HDAC9: variants seen among roughly 807,000 people sequenced by gnomAD.
HDAC9 encodes the protein MEF-2 interacting transcription repressor (MITR) protein.
Under a neutral mutation model 139.4 loss-of-function variants are expected in HDAC9, and 41 were observed. That is an observed-to-expected ratio of 0.29 (90% CI 0.23 to 0.38). The LOEUF (loss-of-function observed/expected upper bound fraction) is 0.38. HDAC9 is among the 10% of genes least tolerant of loss of function. HDAC9 has a pLI of 1.00. For missense variants in HDAC9, 1,147 were observed against 1,297.0 expected (o/e 0.88, Z 1.78); for synonymous variants, 517 against 476.2 (o/e 1.09, Z -1.12).
Position 18,606,451 on chromosome 7 carries a change from C to G in HDAC9, c.664+12422C>G, listed in dbSNP as rs534003645. Reference sequence around the variant, plus strand: ...TTATTTTAAAGATTAACATCAGTGTCCAGCTTGCTCATGATTAACAAGTTC... The same window carrying G: ...TTATTTTAAAGATTAACATCAGTGTGCAGCTTGCTCATGATTAACAAGTTC... On this transcript the variant is annotated intron_variant, in intron 6 of 25. Coordinates refer to ENST00000686413, the MANE Select transcript of HDAC9 (RefSeq NM_178425.4). Among the ~76,000 whole-genome samples, 31 of 152,194 alleles carry G rather than the reference C, an allele frequency of 2.0e-4. No individual in the cohort carries two copies. The South Asian group carries it at 5.2e-3, about 25-fold the overall frequency.
intron 17 of HDAC9, among the ~76,000 whole-genome samples, chr7:18,820,204 G>A (rs1217765294): frequency 6.6e-6 from 1 of 152,112 alleles, no homozygotes; most frequent in East Asian, 1.9e-4. Context: ...TATATTTTGT[G>A]AGACTAGTAG....
At chr7:18,722,021 A>G (rs2129125018) in intron 12 of HDAC9, among the ~76,000 whole-genome samples, 1 of 152,350 alleles carries the variant, frequency 6.6e-6, no homozygotes, top group Non-Finnish European at 1.5e-5. Context: ...AATTTACAAA[A>G]TAGTTGCATA....
Position 18,273,085 on chromosome 7 carries a change from A to G in HDAC9, c.25+110736A>G, listed in dbSNP as rs1315570265. ...TTTTTTTTTTTTTTTTTTTTTTTTG[A>G]ACAAGACAGGATGTCTGTTGCCCTC... On this transcript the variant is annotated intron_variant, in intron 2 of 12. Transcript: ENST00000417496. 7.7e-5 allele frequency among the ~76,000 whole-genome samples: 3 copies of G among 38,938 alleles called. 1 individual carries two copies. Among genetic ancestry groups the G allele is most frequent in the Non-Finnish European group, 1.6e-4 (3 of 19,314 alleles). 25.5% of individuals were successfully genotyped at this position (38,938 alleles called of 152,430 possible).
At chr7:18,394,204 T>C (rs79182806) in intron 1 of HDAC9, among the ~76,000 whole-genome samples, 3,045 of 152,266 alleles carry the variant, frequency 0.02, 135 homozygotes, top group East Asian at 0.18. Context: ...AATTATACCT[T>C]GTTTGTTAAA....
intron 25 of HDAC9, among the ~76,000 whole-genome samples, chr7:18,983,638 A>ATTT (rs1785105028): frequency 1.3e-5 from 2 of 152,306 alleles, no homozygotes; most frequent in East Asian, 3.9e-4. Flanking sequence ...TAGGGAAGTC[A>ATTT]TATGTTTTAC....
At chr7:18,419,866 A>G (rs911756283) in intron 1 of HDAC9, among the ~76,000 whole-genome samples, 4 of 152,096 alleles carry the variant, frequency 2.6e-5, no homozygotes, top group African/African-American at 9.7e-5. Flanking sequence ...ACAAGCATAC[A>G]CCATTACTAT....
chr7:18,151,663 G>A (rs1202343633), intron 1 of HDAC9: 1 of 152,128 alleles, frequency 6.6e-6, no homozygotes, highest in African/African-American at 2.4e-5. Context: ...ATCATTTTGT[G>A]TATAAATAAC....
At chr7:18,547,249 T>C (rs1054782517) in intron 2 of HDAC9, among the ~76,000 whole-genome samples, 44 of 152,312 alleles carry the variant, frequency 2.9e-4, no homozygotes, top group Admixed American at 2.4e-3. Context: ...TCTTTTTTTT[T>C]CTTTGAGACG....
Position 18,835,545 on chromosome 7 carries a change from G to A in HDAC9, c.2545G>A (p.Asp849Asn), listed in dbSNP as rs1796174188. Residue 849 changes from aspartate (D) to asparagine (N), a missense_variant, in exon 20 of 26, where the codon GAT (aspartate) becomes AAT (asparagine). Asp to Asn is a conservative substitution (Grantham distance 23). Coordinates refer to ENST00000686413, the MANE Select transcript of HDAC9 (RefSeq NM_178425.4). ...CCTGTACATTTCACTCCATCGCTATGATGAAGGGAACTTTTTCCCTGGCAG... is the reference window on the plus strand; with the variant it reads ...CCTGTACATTTCACTCCATCGCTATAATGAAGGGAACTTTTTCCCTGGCAG... ...SILYISLHRYDEGNFFPGSGA... is the reference protein window; with the variant it reads ...SILYISLHRYNEGNFFPGSGA... 6.2e-7 allele frequency: 1 copy of A among 1,613,832 alleles called. No individual in the cohort carries two copies. The highest frequency in any genetic ancestry group is 8.5e-7 in the Non-Finnish European group (1 of 1,179,740).
At chr7:18,460,654 CAT>C (rs1242283444) in intron 1 of HDAC9, among the ~76,000 whole-genome samples, 1 of 151,738 alleles carries the variant, frequency 6.6e-6, no homozygotes, top group Non-Finnish European at 1.5e-5. Context: ...CGTGGTGGCA[CAT>C]GTCTGTAATC....
intron 2 of HDAC9, among the ~76,000 whole-genome samples, chr7:18,228,387 T>C (rs937370118): frequency 6.6e-6 from 1 of 152,114 alleles, no homozygotes; most frequent in Non-Finnish European, 1.5e-5. Flanking sequence ...GATTAAAAGT[T>C]ATCTTAAACG....
intron 1 of HDAC9, among the ~76,000 whole-genome samples, chr7:18,295,317 G>A (rs1798072186): frequency 6.6e-6 from 1 of 152,032 alleles, no homozygotes; most frequent in South Asian, 2.1e-4. Context: ...GGAGAAAGGA[G>A]TGATTATCCA....
At chr7:18,667,014 T>A in intron 12 of HDAC9, 2 of 985,448 alleles carry the variant, frequency 2.0e-6, no homozygotes, top group Non-Finnish European at 2.4e-6. Context: ...CCTCTCTCTT[T>A]TTTTAGTTAA....
chr7:18,668,037 T>G, intron 12 of HDAC9: 2 of 980,990 alleles, frequency 2.0e-6, no homozygotes, highest in Non-Finnish European at 2.4e-6. Flanking sequence ...ATATAGCAGT[T>G]TTGCCAAATG....
chr7:18,668,319 C>G, intron 12 of HDAC9: 1 of 954,260 alleles, frequency 1.0e-6, no homozygotes. Flanking sequence ...ATTAAAATGA[C>G]TTTTTGTCAG....
At position 18,603,665 on chromosome 7, in the gene HDAC9, A is replaced by G. The variant is rs189472651; in HGVS notation, c.664+9636A>G. Among the ~76,000 whole-genome samples, 6 of 152,136 alleles carry G rather than the reference A, an allele frequency of 3.9e-5. No individual in the cohort carries two copies. In the East Asian group the frequency reaches 9.6e-4, roughly 24 times the overall value. ...TACAATTATCCAGTATTTTGTTCCT[A>G]TTATTATTGTGCACAGTTAACTATT... On this transcript the variant is annotated intron_variant, in intron 6 of 25. Transcript: ENST00000686413.
rs199944204 is a variant in HDAC9, at chr7:18,591,600, G to C, written c.500G>C (p.Gly167Ala). Residue 167 changes from glycine to alanine, a missense_variant, in exon 5 of 26, where the codon GGA (glycine) becomes GCA (alanine). Physicochemically the swap from Gly to Ala is moderately conservative, Grantham distance 60. This residue lies in a region of HDAC9 where 79 missense variants were observed against 65.8 expected (regional missense o/e 1.20). Transcript: ENST00000686413. Reference sequence around the variant, plus strand: ...GCAACGAAAGACACTCCAACTAATGGAAAAAATCATTCCGTGAGCCGCCAT... The same window carrying C: ...GCAACGAAAGACACTCCAACTAATGCAAAAAATCATTCCGTGAGCCGCCAT... The part of the protein sequence containing the change: ...KSATKDTPTN[G>A]KNHSVSRHPK... 8.6e-5 allele frequency: 139 copies of C among 1,613,124 alleles called. No individual in the cohort carries two copies. Among genetic ancestry groups the C allele is most frequent in the Non-Finnish European group, 2.1e-5 (25 of 1,179,630 alleles).
chr7:18,677,900 T>C (rs897446861), intron 12 of HDAC9, among the ~76,000 whole-genome samples: 33 of 151,886 alleles, frequency 2.2e-4, no homozygotes, highest in Middle Eastern at 3.2e-3. Flanking sequence ...TGCTTTAGTG[T>C]CCTTTCAAGA....
At chr7:18,466,620 T>C (rs1398725275) in intron 1 of HDAC9, among the ~76,000 whole-genome samples, 5 of 152,220 alleles carry the variant, frequency 3.3e-5, no homozygotes, top group Admixed American at 2.6e-4. Flanking sequence ...CTCTCCTACT[T>C]TTAAGGACAA....
Sources: allele counts gnomAD v4.1 joint callset (sites outside exome capture counted in the v4.1 genomes callset), GRCh38; gene constraint gnomAD v4.1.1; regional missense constraint gnomAD v4.1.1; transcripts MANE v1.5; gene names NCBI Gene and HGNC (gene_info 2026-07-23, HGNC 2026-07-21).